The following ZNF462 variants were observed in gnomAD, a reference collection of about 807,000 sequenced individuals.
The protein encoded by ZNF462 is zinc finger protein 462, also known as zinc finger PBX1-interacting protein.
In ZNF462, 10 loss-of-function variants were observed where a neutral mutation model predicts 201.9. The observed-to-expected ratio is 0.05, with a 90% CI of 0.03 to 0.08. ZNF462 has a LOEUF of 0.08. Ranked by LOEUF, ZNF462 falls within the 10% of genes least tolerant of loss-of-function variation. The pLI, the probability that ZNF462 is intolerant of heterozygous loss-of-function variation, is 1.00. For synonymous variants in ZNF462, 1,227 were observed against 1,193.3 expected (o/e 1.03, Z -0.58); for missense variants, 2,523 against 3,168.3 (o/e 0.80, Z 4.89).
chr9:106,925,840 A>C lies in ZNF462; in HGVS notation c.1928A>C (p.Asn643Thr), dbSNP rs1830172215. The C allele has an allele frequency of 1.9e-6, 3 of 1,614,204 alleles. No individual in the cohort carries two copies. The highest frequency in any genetic ancestry group is 2.5e-6 in the Non-Finnish European group (3 of 1,180,044). Reference protein sequence around the residue: ...EGQPSSLPLENETDSHPSSSN... With the variant: ...EGQPSSLPLETETDSHPSSSN... ...CAGCCCTCAAGCCTACCATTGGAAA[A>C]TGAGACAGACAGCCACCCCTCTTCC... Residue 643 changes from asparagine (N) to threonine (T), a missense_variant, in exon 3 of 13, where the codon AAT becomes ACT. Asn to Thr is a moderately conservative substitution (Grantham distance 65, BLOSUM62 0). Transcript: ENST00000277225. This position sits in a 1 kb window ranked among gnomAD's most constrained non-coding sequence, Gnocchi z 7.9.
chr9:107,004,537 G>A (rs1829413040), intron 11 of ZNF462, among the ~76,000 whole-genome samples: 1 of 151,866 alleles, frequency 6.6e-6, no homozygotes, highest in South Asian at 2.1e-4. Context: ...TAAGATTGTT[G>A]TAAAGATTTT....
rs1354267093 is a variant in ZNF462 at position 106,925,384 on chromosome 9, G to A, written c.1472G>A (p.Cys491Tyr). Residue 491 changes from cysteine (C) to tyrosine (Y), a missense_variant, in exon 3 of 13, where the codon TGT becomes TAT. This residue lies in a region of ZNF462 where 383 missense variants were observed against 453.4 expected (regional missense o/e 0.84). Transcript: ENST00000277225. The surrounding 1 kb of genome is among the most constrained non-coding windows in gnomAD (Gnocchi z 7.9). ...SSLKLGAHKQ[C>Y]HTGTTSDWDA... ...TTGAAACTTGGGGCTCACAAACAGT[G>A]TCACACGGGTACAACGTCAGATTGG... 1 of 1,614,214 alleles carries A rather than the reference G, an allele frequency of 6.2e-7. No homozygotes were observed. Among genetic ancestry groups the A allele is most frequent in the South Asian group, 1.1e-5 (1 of 91,074 alleles).
Position 106,920,658 on chromosome 9 carries a change from T to C in ZNF462, c.-30-2696T>C, listed in dbSNP as rs1442679628. ...TTTCTGATCTCATAACCCTTTAATC[T>C]CCTTTGTAGCAGAACAAGGAGATTG... On this transcript the variant is annotated intron_variant, in intron 1 of 12. Transcript: ENST00000277225. The surrounding 1 kb of genome is among the most constrained non-coding windows in gnomAD (Gnocchi z 4.3). 2.6e-5 allele frequency among the ~76,000 whole-genome samples: 4 copies of C among 152,180 alleles called. No individual in the cohort carries two copies. Among genetic ancestry groups the C allele is most frequent in the African/African-American group, 9.7e-5 (4 of 41,442 alleles).
Position 107,005,049 on chromosome 9 carries a change from A to C in ZNF462, c.7189+1623A>C, listed in dbSNP as rs1829455864. ...ATGTTGTCACAAATGACAGGATTTC[A>C]TATTTTTTAATGGTGAATAGTATTT... On this transcript the variant is annotated intron_variant, in intron 11 of 12. Transcript: ENST00000277225. The surrounding 1 kb of genome is among the most constrained non-coding windows in gnomAD (Gnocchi z 4.4). Among the ~76,000 whole-genome samples, 1 of 152,170 alleles carries C rather than the reference A, an allele frequency of 6.6e-6. No homozygotes were observed. Among genetic ancestry groups the C allele is most frequent in the South Asian group, 2.1e-4 (1 of 4,830 alleles).
rs1015388019 is a variant in ZNF462, at chr9:106,981,049, T to A, written c.6833-3137T>A. Reference sequence around the variant, plus strand: ...ACCTTTTAAAGTCTGTCTTTTTTTATTTTTATCTTGGTCATGTTAACCATG... The same window carrying A: ...ACCTTTTAAAGTCTGTCTTTTTTTAATTTTATCTTGGTCATGTTAACCATG... On this transcript the variant is annotated intron_variant, in intron 9 of 12. Coordinates refer to ENST00000277225, the MANE Select transcript of ZNF462 (RefSeq NM_021224.6). This position sits in a 1 kb window ranked among gnomAD's most constrained non-coding sequence, Gnocchi z 4.0. Among the ~76,000 whole-genome samples, 13 of 152,212 alleles carry A rather than the reference T, an allele frequency of 8.5e-5. No homozygotes were observed. Among genetic ancestry groups the A allele is most frequent in the African/African-American group, 2.9e-4 (12 of 41,454 alleles).
rs180986811 is a variant in ZNF462, at chr9:106,962,780, G to A, written c.6428-9225G>A. On this transcript the variant is annotated intron_variant, in intron 7 of 12. Coordinates refer to ENST00000277225, the MANE Select transcript of ZNF462 (RefSeq NM_021224.6). The surrounding 1 kb of genome is among the most constrained non-coding windows in gnomAD (Gnocchi z 4.6). ...TTCAGGATTAGGCGTTTGTTTTTCCGTTTGCCTCCATGACAACGGAGTCCA... is the reference window on the plus strand; with the variant it reads ...TTCAGGATTAGGCGTTTGTTTTTCCATTTGCCTCCATGACAACGGAGTCCA... Among the ~76,000 whole-genome samples, 318 of 151,918 alleles carry A rather than the reference G, an allele frequency of 2.1e-3. No homozygotes were observed. Among genetic ancestry groups the A allele is most frequent in the Non-Finnish European group, 3.6e-3 (245 of 67,918 alleles).
chr9:107,002,609 C>T (rs1391667595), intron 10 of ZNF462, among the ~76,000 whole-genome samples: 1 of 152,164 alleles, frequency 6.6e-6, no homozygotes, highest in African/African-American at 2.4e-5. Flanking sequence ...CCACATTTTA[C>T]ATGAATAAAA....
Position 106,980,837 on chromosome 9 carries a change from G to A in ZNF462, c.6833-3349G>A, listed in dbSNP as rs148852563. ...GAGTTTTCACCCAAGGTAATTTTGA[G>A]AGGTGTGAAGTCAAAAAGACCCACA... is the stretch of plus-strand genomic sequence containing the variant. On this transcript the variant is annotated intron_variant, in intron 9 of 12. Coordinates refer to ENST00000277225, the MANE Select transcript of ZNF462 (RefSeq NM_021224.6). Among the ~76,000 whole-genome samples, 151 of 152,244 alleles carry A rather than the reference G, an allele frequency of 9.9e-4. 2 individuals carry two copies. Among genetic ancestry groups the A allele is most frequent in the African/African-American group, 3.4e-3 (142 of 41,558 alleles).
At chr9:106,862,982 C>G, upstream of ZNF462, 1 of 396,308 alleles carries the variant, frequency 2.5e-6, no homozygotes, top group Admixed American at 4.4e-5. This position sits in a 1 kb window ranked among gnomAD's most constrained non-coding sequence, Gnocchi z 4.2. Context: ...TCTCTCTCCC[C>G]CTGGTTGCTC....
chr9:106,901,824 T>G (rs1829076344), intron 1 of ZNF462, among the ~76,000 whole-genome samples: 1 of 152,296 alleles, frequency 6.6e-6, no homozygotes, highest in South Asian at 2.1e-4. Flanking sequence ...GGAGGAGTTC[T>G]TAGGGTTTTC....
Position 106,919,924 on chromosome 9 carries a change from G to T in ZNF462, c.-30-3430G>T, listed in dbSNP as rs1829921612. ...TTTTGAAATAGACTCTTTTTAGTTA[G>T]TTCAGAAACTTCCTCTTTTACTTTT... is the stretch of plus-strand genomic sequence containing the variant. On this transcript the variant is annotated intron_variant, in intron 1 of 12. Coordinates refer to ENST00000277225, the MANE Select transcript of ZNF462 (RefSeq NM_021224.6). This position sits in a 1 kb window ranked among gnomAD's most constrained non-coding sequence, Gnocchi z 4.5. Among the ~76,000 whole-genome samples the T allele has an allele frequency of 6.6e-6, 1 of 152,136 alleles. No homozygotes were observed. Among genetic ancestry groups the T allele is most frequent in the Admixed American group, 6.5e-5 (1 of 15,272 alleles).
At chr9:106,884,027 C>T (rs929711503) in intron 1 of ZNF462, among the ~76,000 whole-genome samples, 3 of 152,168 alleles carry the variant, frequency 2.0e-5, no homozygotes, top group African/African-American at 7.2e-5. Context: ...GTGGACAGCT[C>T]CCTTTTAAAA....
chr9:106,926,710 C>T lies in ZNF462; in HGVS notation c.2798C>T (p.Thr933Met), dbSNP rs763260640. The T allele has an allele frequency of 3.1e-6, 5 of 1,614,070 alleles. No homozygotes were observed. Among genetic ancestry groups the T allele is most frequent in the Non-Finnish European group, 3.4e-6 (4 of 1,180,004 alleles). Residue 933 changes from threonine to methionine, a missense_variant, in exon 3 of 13, where the codon ACG becomes ATG. Coordinates refer to ENST00000277225, the MANE Select transcript of ZNF462 (RefSeq NM_021224.6). This position sits in a 1 kb window ranked among gnomAD's most constrained non-coding sequence, Gnocchi z 7.9. Reference protein sequence around the residue: ...LIYRCRFCSYTSPNVRSLMPH... With the variant: ...LIYRCRFCSYMSPNVRSLMPH... ...TACCGGTGTCGGTTTTGTTCATACA[C>T]GAGCCCGAATGTTAGAAGCCTGATG...
chr9:106,914,521 C>G (rs1829688450), intron 1 of ZNF462, among the ~76,000 whole-genome samples: 1 of 152,222 alleles, frequency 6.6e-6, no homozygotes, highest in East Asian at 1.9e-4. Context: ...GTAGAGTCAT[C>G]TAACACTCAT....
intron 1 of ZNF462, among the ~76,000 whole-genome samples, chr9:106,879,831 A>G (rs1349353418): frequency 6.6e-6 from 1 of 152,092 alleles, no homozygotes; most frequent in Non-Finnish European, 1.5e-5. Flanking sequence ...CCCTTGTTAA[A>G]CCTGAAAGCT....
At chr9:106,997,412 A>C (rs1262424065) in intron 10 of ZNF462, among the ~76,000 whole-genome samples, 2 of 152,220 alleles carry the variant, frequency 1.3e-5, no homozygotes, top group Admixed American at 6.5e-5. Context: ...AGAATAGCCA[A>C]GACATGGAAG....
chr9:106,904,474 GTC>G (rs1408727403), intron 1 of ZNF462, among the ~76,000 whole-genome samples: 1 of 152,104 alleles, frequency 6.6e-6, no homozygotes, highest in Non-Finnish European at 1.5e-5. Context: ...GGCTGTCTAG[GTC>G]TCTCACAAGG....
chr9:106,947,319 A>G (rs917424096), intron 7 of ZNF462, among the ~76,000 whole-genome samples: 2 of 152,186 alleles, frequency 1.3e-5, no homozygotes, highest in African/African-American at 2.4e-5. Flanking sequence ...GACACAAAAC[A>G]TTCTTAGATG....
At chr9:106,941,274 C>T (rs1307113110) in intron 7 of ZNF462, among the ~76,000 whole-genome samples, 1 of 152,082 alleles carries the variant, frequency 6.6e-6, no homozygotes, top group African/African-American at 2.4e-5. Context: ...TCTGGCCCTC[C>T]GACAACTTAA....
Sources: gnomAD v4.1 joint callset for allele counts (sites outside exome capture counted in the v4.1 genomes callset) on GRCh38, gnomAD v4.1.1 for gene constraint, gnomAD v4.1.1 regional missense constraint, Gnocchi (gnomAD v3.1) non-coding constraint, MANE v1.5 for transcripts, NCBI Gene and HGNC (gene_info 2026-07-23, HGNC 2026-07-21) for gene names.